AMPH: variants seen among roughly 807,000 people sequenced by gnomAD.
AMPH encodes amphiphysin, also known as amphiphysin (Stiff-Mann syndrome with breast cancer 128kD autoantigen).
AMPH carries 49 observed loss-of-function variants against 99.1 expected under a neutral mutation model. The observed-to-expected ratio is 0.49, with a 90% CI of 0.39 to 0.63. The LOEUF is 0.63. Among genes scored for constraint, AMPH ranks in the 20% least tolerant of loss-of-function variants. AMPH has a pLI of 0.00. For synonymous variants in AMPH, 314 were observed against 317.3 expected, an observed-to-expected ratio of 0.99 and a Z score of 0.11; for missense variants, 759 against 863.4, an observed-to-expected ratio of 0.88 and a Z score of 1.52.
intron 11 of AMPH, among the ~76,000 whole-genome samples, chr7:38,451,369 T>C (rs1424159908): frequency 3.4e-5 from 5 of 148,998 alleles, no homozygotes; most frequent in Non-Finnish European, 5.9e-5. Flanking sequence ...CGTATATATA[T>C]GTGTATATAC....
intron 2 of AMPH, among the ~76,000 whole-genome samples, chr7:38,520,409 CAT>C (rs766957072): frequency 1.2e-4 from 18 of 152,172 alleles, no homozygotes; most frequent in Admixed American, 2.0e-4. Context: ...GAGTGAGGCA[CAT>C]AATATGCAAA....
chr7:38,428,943 T>C (rs1224086341), intron 14 of AMPH: 1 of 1,175,694 alleles, frequency 8.5e-7, no homozygotes, highest in African/African-American at 1.6e-5. Context: ...ATGGTCTTCC[T>C]TTCCTATGGT....
At chr7:38,460,931 T>G (rs1038223810) in intron 11 of AMPH, among the ~76,000 whole-genome samples, 1 of 152,214 alleles carries the variant, frequency 6.6e-6, no homozygotes, top group African/African-American at 2.4e-5. Context: ...AACTCGATCA[T>G]TCCACATCCT....
At chr7:38,456,295 T>C (rs1040421137) in intron 11 of AMPH, among the ~76,000 whole-genome samples, 1 of 152,174 alleles carries the variant, frequency 6.6e-6, no homozygotes, top group Admixed American at 6.5e-5. Flanking sequence ...ACCTCCCTAA[T>C]AGCAGGTCCG....
At chr7:38,396,549 CT>C (rs1168899621) in intron 17 of AMPH, among the ~76,000 whole-genome samples, 13 of 152,170 alleles carry the variant, frequency 8.5e-5, no homozygotes, top group Admixed American at 7.2e-4. Context: ...GTAATGATTT[CT>C]CATGAATTGT....
At chr7:38,399,561 T>C (rs1399123336) in intron 17 of AMPH, among the ~76,000 whole-genome samples, 1 of 152,256 alleles carries the variant, frequency 6.6e-6, no homozygotes, top group Non-Finnish European at 1.5e-5. Context: ...ATTATTATTG[T>C]TGTTGTCATG....
chr7:38,595,392 AG>A (rs1793014994), intron 1 of AMPH, among the ~76,000 whole-genome samples: 1 of 152,172 alleles, frequency 6.6e-6, no homozygotes, highest in South Asian at 2.1e-4. Context: ...TCTGGGCTGA[AG>A]GGCTCTATAG....
chr7:38,526,461 A>G (rs1417336496), intron 2 of AMPH, among the ~76,000 whole-genome samples: 1 of 106,878 alleles, frequency 9.4e-6, no homozygotes, highest in African/African-American at 4.2e-5. Context: ...TTTTCAGTAG[A>G]GACGGAGTTT....
At chr7:38,490,916 G>A (rs573552545) in intron 5 of AMPH, 134 bp downstream of exon 5, 4 of 581,632 alleles carry the variant, frequency 6.9e-6, no homozygotes, top group African/African-American at 1.9e-5. Context: ...AAAATCCCAC[G>A]CTTAAATAAA....
At chr7:38,404,883 T>A (rs1784939847) in intron 17 of AMPH, among the ~76,000 whole-genome samples, 2 of 152,078 alleles carry the variant, frequency 1.3e-5, no homozygotes, top group Admixed American at 1.3e-4. Context: ...TATATGAGAT[T>A]AACATCATCA....
At chr7:38,415,685 C>A (rs1374731330) in intron 17 of AMPH, among the ~76,000 whole-genome samples, 1 of 152,178 alleles carries the variant, frequency 6.6e-6, no homozygotes, top group Non-Finnish European at 1.5e-5. Flanking sequence ...GCAGCCACTA[C>A]TGATGACCAT....
At chr7:38,433,028 G>C (rs569506531) in intron 12 of AMPH, among the ~76,000 whole-genome samples, 2 of 152,190 alleles carry the variant, frequency 1.3e-5, no homozygotes, top group Non-Finnish European at 2.9e-5. Flanking sequence ...AGCCACATCC[G>C]ATTATGCCCA....
chr7:38,479,971 C>T (rs1316167648), intron 5 of AMPH, among the ~76,000 whole-genome samples: 2 of 151,800 alleles, frequency 1.3e-5, no homozygotes, highest in African/African-American at 4.8e-5. Context: ...AAAAATCTTC[C>T]CCGTAGTCCA....
intron 20 of AMPH, among the ~76,000 whole-genome samples, chr7:38,387,604 A>G (rs1054091097): frequency 4.6e-5 from 7 of 152,156 alleles, no homozygotes; most frequent in African/African-American, 1.4e-4. Context: ...AGAGAGAAAT[A>G]GTGAAAGAAA....
intron 1 of AMPH, among the ~76,000 whole-genome samples, chr7:38,587,963 TGA>T (rs1348717697): frequency 3.3e-5 from 5 of 151,312 alleles, no homozygotes; most frequent in African/African-American, 9.7e-5. Flanking sequence ...CGTGTGTGTG[TGA>T]GAGAGAGATA....
chr7:38,401,394 C>T (rs1784836623), intron 17 of AMPH, among the ~76,000 whole-genome samples: 1 of 152,212 alleles, frequency 6.6e-6, no homozygotes, highest in Non-Finnish European at 1.5e-5. Context: ...CATGTCACCA[C>T]ATTTGCTTTA....
At chr7:38,588,722 C>T (rs10155824) in intron 1 of AMPH, among the ~76,000 whole-genome samples, 16,389 of 151,826 alleles carry the variant, frequency 0.11, 2,169 homozygotes, top group African/African-American at 0.32. Flanking sequence ...AAAAGATAAT[C>T]GGGGGGAAAA....
intron 5 of AMPH, among the ~76,000 whole-genome samples, chr7:38,479,806 TTAAA>T (rs1162492116): frequency 3.3e-5 from 5 of 152,008 alleles, no homozygotes; most frequent in South Asian, 2.1e-4. Flanking sequence ...TATATGCCAA[TTAAA>T]TAAATTGTTA....
chr7:38,543,052 C>A (rs1790865954), intron 1 of AMPH, among the ~76,000 whole-genome samples: 1 of 151,562 alleles, frequency 6.6e-6, no homozygotes, highest in African/African-American at 2.4e-5. Flanking sequence ...CGAGATCGTG[C>A]CACTGCACTC....
Sources: allele counts gnomAD v4.1 joint callset (sites outside exome capture counted in the v4.1 genomes callset), GRCh38; gene constraint gnomAD v4.1.1; transcripts MANE v1.5; gene names NCBI Gene and HGNC (gene_info 2026-07-23, HGNC 2026-07-21).